Variants in SSBP2 observed in about 807,000 individuals in gnomAD.
SSBP2 encodes the protein single-stranded DNA-binding protein 2.
A neutral mutation model predicts 61.8 loss-of-function variants in SSBP2; 17 were observed. The observed-to-expected ratio is 0.28, with a 90% confidence interval of 0.19 to 0.41. SSBP2 has a LOEUF of 0.41. SSBP2 is among the 10% of genes least tolerant of loss of function. SSBP2 has a pLI of 1.00. For missense variants in SSBP2, 310 were observed against 458.7 expected (o/e 0.68, Z 2.96); for synonymous variants, 139 against 141.3 (o/e 0.98, Z 0.12).
intron 1 of SSBP2, among the ~76,000 whole-genome samples, chr5:81,729,254 G>C (rs943307914): frequency 1.3e-5 from 2 of 151,960 alleles, no homozygotes; most frequent in African/African-American, 4.8e-5. Flanking sequence ...TTATATTTGC[G>C]CATAAAAAGT....
At chr5:81,539,555 T>C (rs1319231608) in intron 4 of SSBP2, among the ~76,000 whole-genome samples, 2 of 152,168 alleles carry the variant, frequency 1.3e-5, no homozygotes, top group Admixed American at 6.5e-5. Flanking sequence ...AGAAATCATT[T>C]GTGAAAGGAA....
chr5:81,498,688 G>T (rs1381631510), intron 5 of SSBP2, among the ~76,000 whole-genome samples: 1 of 151,766 alleles, frequency 6.6e-6, no homozygotes, highest in Non-Finnish European at 1.5e-5. Context: ...TCTCTATATA[G>T]ATTTCTATTC....
chr5:81,487,502 A>G (rs1025648521), intron 6 of SSBP2, among the ~76,000 whole-genome samples: 1 of 152,142 alleles, frequency 6.6e-6, no homozygotes, highest in African/African-American at 2.4e-5. Flanking sequence ...TAATTGGATA[A>G]AATTTGTATG....
chr5:81,696,175 T>G (rs1035609433), intron 1 of SSBP2, among the ~76,000 whole-genome samples: 7 of 152,036 alleles, frequency 4.6e-5, no homozygotes, highest in African/African-American at 1.7e-4. Context: ...AACCTACCCT[T>G]CCCCACTCCT....
chr5:81,484,405 A>G (rs1369329153), intron 6 of SSBP2, among the ~76,000 whole-genome samples: 1 of 152,114 alleles, frequency 6.6e-6, no homozygotes, highest in Non-Finnish European at 1.5e-5. Flanking sequence ...TTGGTTTGAG[A>G]AGGATAAAAA....
intron 4 of SSBP2, among the ~76,000 whole-genome samples, chr5:81,566,308 T>TGG (rs1463548179): frequency 1.3e-5 from 2 of 152,182 alleles, no homozygotes; most frequent in African/African-American, 4.8e-5. Context: ...CCATATGCTG[T>TGG]GGGAGGCACC....
intron 1 of SSBP2, among the ~76,000 whole-genome samples, chr5:81,735,834 T>C (rs1756565929): frequency 6.6e-6 from 1 of 152,200 alleles, no homozygotes. Flanking sequence ...TCGATAACCA[T>C]ACTTTATCAT....
chr5:81,473,535 C>T (rs1765389420), intron 8 of SSBP2, among the ~76,000 whole-genome samples, 165 bp downstream of exon 8: 1 of 152,120 alleles, frequency 6.6e-6, no homozygotes, highest in Non-Finnish European at 1.5e-5. Flanking sequence ...TGATGGCTTC[C>T]AGCTTCATCC....
At chr5:81,715,975 T>C (rs1228186136) in intron 1 of SSBP2, among the ~76,000 whole-genome samples, 2 of 151,988 alleles carry the variant, frequency 1.3e-5, no homozygotes, top group African/African-American at 4.8e-5. Context: ...GGAAGATCAC[T>C]GTGCCCAGGA....
intron 5 of SSBP2, among the ~76,000 whole-genome samples, chr5:81,497,854 A>G (rs1405686321): frequency 6.6e-6 from 1 of 152,142 alleles, no homozygotes; most frequent in African/African-American, 2.4e-5. Flanking sequence ...GTATTTAGTA[A>G]ACATGATTTG....
intron 15 of SSBP2, among the ~76,000 whole-genome samples, chr5:81,433,591 A>AT (rs1218007695): frequency 6.2e-5 from 9 of 145,612 alleles, no homozygotes; most frequent in Non-Finnish European, 1.2e-4. Flanking sequence ...AGAATGATCA[A>AT]TAAAAAAAAA....
At chr5:81,653,997 T>G (rs147436685) in intron 1 of SSBP2, among the ~76,000 whole-genome samples, 3 of 126,626 alleles carry the variant, frequency 2.4e-5, no homozygotes, top group African/African-American at 7.4e-5. Flanking sequence ...TTTTTTGTTT[T>G]GTTTTTTTTT....
chr5:81,493,340 A>G (rs1207664294), intron 5 of SSBP2, among the ~76,000 whole-genome samples: 2 of 152,066 alleles, frequency 1.3e-5, no homozygotes, highest in Admixed American at 1.3e-4. Context: ...GCTGGAGTGC[A>G]GTGCCATGAT....
At chr5:81,640,031 CA>C (rs199725165) in intron 2 of SSBP2, among the ~76,000 whole-genome samples, 2,492 of 152,176 alleles carry the variant, frequency 0.016, 71 homozygotes, top group African/African-American at 0.056. Flanking sequence ...AATTTGTTCT[CA>C]AAAAATAAGA....
At chr5:81,748,408 G>A (rs1170696824) in intron 1 of SSBP2, among the ~76,000 whole-genome samples, 1 of 152,120 alleles carries the variant, frequency 6.6e-6, no homozygotes, top group African/African-American at 2.4e-5. Context: ...CCTACCTTCA[G>A]ATGTTAGTAC....
intron 1 of SSBP2, among the ~76,000 whole-genome samples, chr5:81,701,885 C>T (rs1754004315): frequency 1.3e-5 from 2 of 152,010 alleles, no homozygotes; most frequent in African/African-American, 4.8e-5. Flanking sequence ...ACCTCAGAAC[C>T]CTGTTAACCA....
intron 4 of SSBP2, among the ~76,000 whole-genome samples, chr5:81,600,055 T>C (rs969399700): frequency 6.6e-6 from 1 of 152,232 alleles, no homozygotes; most frequent in Non-Finnish European, 1.5e-5. Flanking sequence ...CCAATAAATG[T>C]TATTTTTTTA....
intron 2 of SSBP2, among the ~76,000 whole-genome samples, chr5:81,644,018 G>A (rs146319034): frequency 2.2e-3 from 330 of 152,226 alleles, no homozygotes; most frequent in Non-Finnish European, 3.3e-3. Flanking sequence ...CATGATACTC[G>A]GTAGTCACGT....
chr5:81,493,283 T>C (rs1364583084), intron 5 of SSBP2, among the ~76,000 whole-genome samples: 1 of 151,498 alleles, frequency 6.6e-6, no homozygotes, highest in African/African-American at 2.4e-5. Flanking sequence ...GATAGATAGA[T>C]AGATAGATAG....
Sources: gnomAD v4.1 joint callset for allele counts (sites outside exome capture counted in the v4.1 genomes callset) on GRCh38, gnomAD v4.1.1 for gene constraint, MANE v1.5 for transcripts, NCBI Gene and HGNC (gene_info 2026-07-23, HGNC 2026-07-21) for gene names.